UTRN: variants seen among roughly 807,000 people sequenced by gnomAD.
UTRN encodes dystrophin-related protein 1.
UTRN carries 283 observed loss-of-function variants against 463.9 expected under a neutral mutation model. That is an observed-to-expected ratio of 0.61 (90% CI 0.55 to 0.67). The LOEUF is 0.67. UTRN is among the 30% of genes least tolerant of loss of function. The pLI is 0.00. For synonymous variants in UTRN, 1,442 were observed against 1,431.5 expected (o/e 1.01, Z -0.17); for missense variants, 3,922 against 4,084.3 (o/e 0.96, Z 1.08).
At chr6:144,450,245 A>G (rs1263103867) in intron 17 of UTRN, among the ~76,000 whole-genome samples, 1 of 152,160 alleles carries the variant, frequency 6.6e-6, no homozygotes, top group Admixed American at 6.5e-5. Flanking sequence ...TTGGCTCTCA[A>G]CTGCCTTTGG....
rs11419379 is a variant in UTRN, at chr6:144,445,351, C to CAAAAAAAAAAA, written c.1614+977_1614+987dup. ...GGGAGACAAGAGCGAGACTCCCTCTCAAAAAAAAAAAAAAAAAAGCAAATA... is the reference window on the plus strand; with the variant it reads ...GGGAGACAAGAGCGAGACTCCCTCTCAAAAAAAAAAAAAAAAAAAAAAAAAAAAAGCAAATA... On this transcript the variant is annotated intron_variant, in intron 14 of 74. Coordinates refer to ENST00000367545, the MANE Select transcript of UTRN (RefSeq NM_007124.3). Among the ~76,000 whole-genome samples, 45 of 106,496 alleles carry CAAAAAAAAAAA rather than the reference C, an allele frequency of 4.2e-4. 3 individuals are homozygous for CAAAAAAAAAAA. In the East Asian group the frequency reaches 9.3e-3, roughly 22 times the overall value. 69.9% of individuals were successfully genotyped at this position (106,496 alleles called of 152,430 possible).
chr6:144,438,702 G>A, intron 11 of UTRN, 43 bp from the exon 12 acceptor site: 1 of 1,607,920 alleles, frequency 6.2e-7, no homozygotes, highest in Non-Finnish European at 8.5e-7. Flanking sequence ...ACTTTGCAAA[G>A]GGAAAAGGCT....
intron 58 of UTRN, among the ~76,000 whole-genome samples, chr6:144,768,666 A>G (rs1475973883): frequency 2.0e-5 from 3 of 152,226 alleles, no homozygotes; most frequent in Non-Finnish European, 2.9e-5. Flanking sequence ...CCACAGGACA[A>G]TAATCAATTG....
intron 2 of UTRN, among the ~76,000 whole-genome samples, chr6:144,377,669 G>T (rs1780583447): frequency 1.3e-5 from 2 of 152,174 alleles, no homozygotes; most frequent in Non-Finnish European, 2.9e-5. Flanking sequence ...TGCTCCCTGT[G>T]TGTGGCTCTG....
At chr6:144,836,750 T>G in intron 71 of UTRN, 1 of 724,196 alleles carries the variant, frequency 1.4e-6, no homozygotes. Context: ...CAGCTTACAA[T>G]GGAATTTCCC....
chr6:144,318,556 C>T (rs9484864), intron 2 of UTRN, among the ~76,000 whole-genome samples: 15,032 of 152,048 alleles, frequency 0.099, 2,449 homozygotes, highest in African/African-American at 0.34. Context: ...CTCTGCCTCC[C>T]GGGTTCAGGT....
At chr6:144,674,878 G>A (rs1781435367) in intron 51 of UTRN, among the ~76,000 whole-genome samples, 1 of 152,166 alleles carries the variant, frequency 6.6e-6, no homozygotes, top group Admixed American at 6.5e-5. Context: ...ATTTCTTTAA[G>A]GTAGTTTTTA....
At chr6:144,545,536 C>A (rs1728612132) in intron 46 of UTRN, among the ~76,000 whole-genome samples, 2 of 152,178 alleles carry the variant, frequency 1.3e-5, no homozygotes, top group South Asian at 4.1e-4. Flanking sequence ...GCTTGGTGTT[C>A]CTTCTTCTTG....
intron 2 of UTRN, among the ~76,000 whole-genome samples, chr6:144,321,282 A>G (rs552059049): frequency 3.7e-4 from 57 of 152,264 alleles, no homozygotes; most frequent in African/African-American, 1.3e-3. Context: ...ACATACATAT[A>G]TGTGCATGTA....
intron 32 of UTRN, among the ~76,000 whole-genome samples, chr6:144,492,108 A>G (rs1793130024): frequency 6.6e-6 from 1 of 152,186 alleles, no homozygotes; most frequent in Admixed American, 6.5e-5. Context: ...TTGGGCTTCG[A>G]CTGAACCCAT....
rs1340479200 is a variant in UTRN at position 144,286,961 on chromosome 6, T to C, written c.-93+1140T>C. Among the ~76,000 whole-genome samples, 1 of 151,830 alleles carries C rather than the reference T, an allele frequency of 6.6e-6. No homozygotes were observed. The highest frequency in any genetic ancestry group is 2.1e-4 in the South Asian group (1 of 4,754). Reference sequence around the variant, plus strand: ...GCGGTTGGGAGGGTCAGTGCAGCGGTCGCCGCGGCCAGAGCGCGCGGAGCT... The same window carrying C: ...GCGGTTGGGAGGGTCAGTGCAGCGGCCGCCGCGGCCAGAGCGCGCGGAGCT... On this transcript the variant is annotated intron_variant, in intron 1 of 74. Coordinates refer to ENST00000367545, the MANE Select transcript of UTRN (RefSeq NM_007124.3). The surrounding 1 kb of genome is among the most constrained non-coding windows in gnomAD (Gnocchi z 4.4).
In UTRN at chr6:144,839,287, C is replaced by T. The variant is rs374636165; in HGVS notation, c.10177+3C>T. The T allele has an allele frequency of 7.0e-5, 113 of 1,611,854 alleles. No individual in the cohort carries two copies. The African/African-American group carries it at 1.3e-3, about 19-fold the overall frequency. ...CGGCCCACAGTTCCACCAGGCAGGT[C>T]GGTGTCCCCAGCACACAGCTCCTCT... is the stretch of plus-strand genomic sequence containing the variant. On this transcript the variant is annotated splice_donor_region_variant and intron_variant, in intron 72 of 74. Coordinates refer to ENST00000367545, the MANE Select transcript of UTRN (RefSeq NM_007124.3).
chr6:144,542,911 AGT>A, intron 46 of UTRN, 41 bp downstream of exon 46: 2 of 1,555,318 alleles, frequency 1.3e-6, no homozygotes, highest in Non-Finnish European at 8.7e-7. Flanking sequence ...TTAAAAAATC[AGT>A]ATGTAAAATT....
intron 2 of UTRN, among the ~76,000 whole-genome samples, chr6:144,307,313 TG>T (rs1361885637): frequency 6.6e-6 from 1 of 152,208 alleles, no homozygotes; most frequent in Non-Finnish European, 1.5e-5. Context: ...CTAGCCTGAC[TG>T]GGTGTTTGGG....
chr6:144,445,072 C>T (rs7747024), intron 14 of UTRN, among the ~76,000 whole-genome samples: 8,006 of 152,152 alleles, frequency 0.053, 664 homozygotes, highest in African/African-American at 0.17. Context: ...AGATACTGGC[C>T]GGGCAGGGTG....
intron 34 of UTRN, among the ~76,000 whole-genome samples, chr6:144,510,085 A>G (rs1194376808): frequency 6.6e-6 from 1 of 152,192 alleles, no homozygotes; most frequent in Non-Finnish European, 1.5e-5. Flanking sequence ...TGTAATTGGT[A>G]TGCTTTCCAA....
chr6:144,778,479 A>G (rs1775531177), intron 60 of UTRN, among the ~76,000 whole-genome samples: 1 of 152,120 alleles, frequency 6.6e-6, no homozygotes, highest in Non-Finnish European at 1.5e-5. Flanking sequence ...ATCTGGAGCC[A>G]TCCAAAGAGA....
chr6:144,738,150 TA>T (rs1244800710), intron 54 of UTRN, among the ~76,000 whole-genome samples: 1 of 152,228 alleles, frequency 6.6e-6, no homozygotes, highest in Non-Finnish European at 1.5e-5. Context: ...CCTTCGATTT[TA>T]TCTCCTCTAT....
At chr6:144,726,552 A>G (rs1209422043) in intron 53 of UTRN, among the ~76,000 whole-genome samples, 1 of 152,220 alleles carries the variant, frequency 6.6e-6, no homozygotes, top group Non-Finnish European at 1.5e-5. Flanking sequence ...AGTGGAGCTT[A>G]TATTTTATCT....
Sources: allele counts gnomAD v4.1 joint callset (sites outside exome capture counted in the v4.1 genomes callset), GRCh38; gene constraint gnomAD v4.1.1; non-coding constraint Gnocchi (gnomAD v3.1); transcripts MANE v1.5; gene names NCBI Gene and HGNC (gene_info 2026-07-23, HGNC 2026-07-21).